The following DCAF8 variants were observed in gnomAD, a reference collection of about 807,000 sequenced individuals.
DCAF8 encodes the protein DDB1- and CUL4-associated factor 8.
In DCAF8, 20 loss-of-function variants were observed where a neutral mutation model predicts 68.0. That is an observed-to-expected ratio of 0.29 (90% CI 0.21 to 0.43). DCAF8 has a LOEUF of 0.43. Among genes scored for constraint, DCAF8 ranks in the 20% least tolerant of loss-of-function variants. DCAF8 has a pLI of 1.00. For missense variants in DCAF8, 460 were observed against 771.0 expected (o/e 0.60, Z 4.78); for synonymous variants, 230 against 276.9 (o/e 0.83, Z 1.68).
chr1:160,244,855 C>T (rs1043410419), intron 2 of DCAF8, among the ~76,000 whole-genome samples: 8 of 152,040 alleles, frequency 5.3e-5, no homozygotes, highest in Non-Finnish European at 8.8e-5. Context: ...GTGATCCGCC[C>T]GCCTCGGCCT....
chr1:160,239,562 G>A, intron 4 of DCAF8, 135 bp downstream of exon 4: 1 of 1,585,052 alleles, frequency 6.3e-7, no homozygotes, highest in Non-Finnish European at 8.6e-7. Context: ...GGTCATTAGG[G>A]GAGCCAAAGT....
intron 4 of DCAF8, 63 bp downstream of exon 4, chr1:160,239,634 C>A (rs1342524256): frequency 6.2e-7 from 1 of 1,613,968 alleles, no homozygotes; most frequent in Non-Finnish European, 8.5e-7. Context: ...ATCCATGCTG[C>A]AGTTCAGATT....
intron 2 of DCAF8, among the ~76,000 whole-genome samples, chr1:160,257,260 A>G (rs1656871953): frequency 6.7e-6 from 1 of 149,542 alleles, no homozygotes; most frequent in Non-Finnish European, 1.5e-5. Context: ...GCTCACTGAT[A>G]ATCTGCTTTA....
intron 4 of DCAF8, 164 bp downstream of exon 4, chr1:160,239,533 G>C (rs1365748177): frequency 6.5e-7 from 1 of 1,535,416 alleles, no homozygotes; most frequent in African/African-American, 1.4e-5. Flanking sequence ...GGGTTGCCAA[G>C]AGTCTTTCAG....
intron 2 of DCAF8, among the ~76,000 whole-genome samples, chr1:160,260,020 T>C (rs936382167): frequency 2.0e-5 from 3 of 151,110 alleles, no homozygotes; most frequent in African/African-American, 7.3e-5. Flanking sequence ...AAATGTGTTC[T>C]AAGGCAAAAT....
intron 3 of DCAF8, among the ~76,000 whole-genome samples, chr1:160,241,868 T>C (rs1656128928): frequency 6.6e-6 from 1 of 152,212 alleles, no homozygotes; most frequent in South Asian, 2.1e-4. Flanking sequence ...CAATGTACTC[T>C]TAAGCAAAAC....
chr1:160,218,804 T>C, intron 12 of DCAF8, 45 bp downstream of exon 12: 2 of 1,611,680 alleles, frequency 1.2e-6, no homozygotes, highest in Non-Finnish European at 1.7e-6. Context: ...ATCAACAGTA[T>C]GTGGATAAGC....
intron 3 of DCAF8, among the ~76,000 whole-genome samples, chr1:160,243,406 CTTTTTTTTT>C (rs35258380): frequency 7.2e-6 from 1 of 138,968 alleles, no homozygotes; most frequent in Non-Finnish European, 1.5e-5. Flanking sequence ...ATGTAATCAC[CTTTTTTTTT>C]TTTTTTTTTA....
intron 13 of DCAF8, 196 bp from the exon 14 acceptor site, chr1:160,217,904 G>A (rs755074326): frequency 3.1e-5 from 17 of 544,662 alleles, no homozygotes; most frequent in East Asian, 5.9e-5. Context: ...CGTGAAGGCC[G>A]CCACAGACAA....
intron 2 of DCAF8, among the ~76,000 whole-genome samples, chr1:160,244,955 A>G (rs575002696): frequency 6.6e-5 from 10 of 152,206 alleles, no homozygotes; most frequent in Non-Finnish European, 1.3e-4. Flanking sequence ...AGGATTATAG[A>G]GCTGAAACTA....
At chr1:160,238,364 T>C (rs550535691) in intron 5 of DCAF8, among the ~76,000 whole-genome samples, 7 of 152,338 alleles carry the variant, frequency 4.6e-5, no homozygotes, top group Non-Finnish European at 1.5e-5. Flanking sequence ...CCAAACCAAC[T>C]AGGGCTTAGC....
intron 7 of DCAF8, among the ~76,000 whole-genome samples, chr1:160,231,038 G>A (rs1655662689): frequency 6.6e-6 from 1 of 152,074 alleles, no homozygotes; most frequent in Non-Finnish European, 1.5e-5. Context: ...ACAGGTGTGA[G>A]CCACTACACC....
At position 160,225,727 on chromosome 1, in the gene DCAF8, T is replaced by C. The variant is rs541665515; in HGVS notation, c.1071-64A>G. 134 of 1,356,348 alleles carry C rather than the reference T, an allele frequency of 9.9e-5. 3 individuals carry two copies. The East Asian group carries it at 3.0e-3, about 31-fold the overall frequency. 84.0% of individuals were successfully genotyped at this position (1,356,348 alleles called of 1,614,324 possible). A position where few individuals can be genotyped will look rare whatever the true frequency, so the allele number is the denominator to read the frequency against. On this transcript the variant is annotated intron_variant, in intron 7 of 13. Coordinates refer to ENST00000368074, the MANE Select transcript of DCAF8 (RefSeq NM_015726.4). ...AACGAAACCCTTGAAGAGCTGCAAT[T>C]TGATGTAGTGGCAGGAAACTGCCAG...
chr1:160,261,297 T>C lies in DCAF8; in HGVS notation c.-39A>G, dbSNP rs1421348516. On this transcript the variant is annotated 5_prime_UTR_variant, in exon 2 of 14. It adds an upstream start codon to the 5' untranslated region. Coordinates refer to ENST00000368074, the MANE Select transcript of DCAF8 (RefSeq NM_015726.4). ...AACTCCCACTCACCTTTCCTCCTTT[T>C]ATCACTGAAGTAAGGCCAGGCTGAG... is the stretch of plus-strand genomic sequence containing the variant. The C allele has an allele frequency of 6.6e-6, 1 of 152,218 alleles. No homozygotes were observed. The highest frequency in any genetic ancestry group is 2.4e-5 in the African/African-American group (1 of 41,438). 9.4% of individuals were successfully genotyped at this position (152,218 alleles called of 1,614,324 possible).
rs146720622 is a variant in DCAF8, at chr1:160,259,039, C to T, written c.-27+2246G>A. 2.1e-3 allele frequency among the ~76,000 whole-genome samples: 314 copies of T among 152,306 alleles called. 3 individuals are homozygous for T. The highest frequency in any genetic ancestry group is 7.1e-3 in the African/African-American group (293 of 41,558). On this transcript the variant is annotated intron_variant, in intron 2 of 13. Transcript: ENST00000368074. ...CTTACCTTACAATGGAGAATTTAGA[C>T]CCTGGATGATGGTAATGAAAAGTTC...
intron 1 of DCAF8, 146 bp from the exon 2 acceptor site, chr1:160,261,504 T>C (rs949927175): frequency 3.3e-5 from 5 of 152,194 alleles, no homozygotes; most frequent in African/African-American, 1.2e-4. Flanking sequence ...ACTGAACAAA[T>C]AACCCACACA....
chr1:160,239,435 C>T, intron 4 of DCAF8: 1 of 1,434,332 alleles, frequency 7.0e-7, no homozygotes, highest in Non-Finnish European at 9.1e-7. Context: ...TGTGCTTATA[C>T]TACACTGCCT....
intron 2 of DCAF8, among the ~76,000 whole-genome samples, chr1:160,260,194 T>A (rs1337623400): frequency 6.6e-6 from 1 of 152,020 alleles, no homozygotes; most frequent in Non-Finnish European, 1.5e-5. Context: ...CCCTGGGAGG[T>A]AAGTGGTATT....
At chr1:160,249,104 C>T (rs992855697) in intron 2 of DCAF8, among the ~76,000 whole-genome samples, 13 of 151,876 alleles carry the variant, frequency 8.6e-5, no homozygotes, top group African/African-American at 2.4e-4. Context: ...ACAGGAGAAT[C>T]GCTTGAACCT....
Sources: gnomAD v4.1 joint callset for allele counts (sites outside exome capture counted in the v4.1 genomes callset) on GRCh38, gnomAD v4.1.1 for gene constraint, MANE v1.5 for transcripts, NCBI Gene and HGNC (gene_info 2026-07-23, HGNC 2026-07-21) for gene names.